CNN1: variants seen among roughly 807,000 people sequenced by gnomAD.
CNN1 encodes the protein calponin-1.
CNN1 carries 21 observed loss-of-function variants against 35.3 expected under a neutral mutation model. That is an observed-to-expected ratio of 0.60 (90% CI 0.42 to 0.86). The LOEUF is 0.86. CNN1 is among the 40% of genes least tolerant of loss of function. The probability of loss-of-function intolerance (pLI) is 0.00; values close to 1 mark genes in which losing one functional copy is unlikely to be tolerated. For missense variants in CNN1, 314 were observed against 400.8 expected, an observed-to-expected ratio of 0.78 and a Z score of 1.85; for synonymous variants, 164 against 161.8, an observed-to-expected ratio of 1.01 and a Z score of -0.10.
chr19:11,540,973 G>C, intron 1 of CNN1, 103 bp from the exon 2 acceptor site: 1 of 1,277,522 alleles, frequency 7.8e-7, no homozygotes, highest in South Asian at 1.6e-5. Context: ...AAGGACGAGG[G>C]AGATCAGGCT....
intron 1 of CNN1, 29 bp from the exon 2 acceptor site, chr19:11,541,047 C>G (rs1318877744): frequency 6.3e-7 from 1 of 1,578,228 alleles, no homozygotes; most frequent in Admixed American, 1.8e-5. Flanking sequence ...ACCCCTTTCT[C>G]TGTGCCCCCT....
intron 2 of CNN1, among the ~76,000 whole-genome samples, chr19:11,544,141 C>T (rs73514622): frequency 0.14 from 20,629 of 151,590 alleles, 3,640 homozygotes; most frequent in African/African-American, 0.41. Flanking sequence ...GATTTGTGGT[C>T]GTAAGTGTCC....
Position 11,550,111 on chromosome 19 carries a change from G to A in CNN1, c.*316G>A, listed in dbSNP as rs72995011. 9.5e-3 allele frequency: 2,618 copies of A among 276,318 alleles called. 16 individuals carry two copies. The highest frequency in any genetic ancestry group is 0.012 in the Middle Eastern group (12 of 972). The allele number at this position is 276,318 out of a possible 1,614,324, so 17.1% of individuals were successfully genotyped here. On this transcript the variant is annotated 3_prime_UTR_variant, in exon 7 of 7. Coordinates refer to ENST00000252456, the MANE Select transcript of CNN1 (RefSeq NM_001299.6). The stretch of plus-strand genomic sequence containing the variant: ...CAAGTGGGTACCCCCAGGACCAGAA[G>A]CTCCCCCAGCAAAGCCCCCAGAGCC...
rs1599613697 is a variant in CNN1, at chr19:11,550,060, A to G, written c.*265A>G. 1 of 397,558 alleles carries G rather than the reference A, an allele frequency of 2.5e-6. No homozygotes were observed. Among genetic ancestry groups the G allele is most frequent in the East Asian group, 4.0e-5 (1 of 24,696 alleles). 24.6% of individuals were successfully genotyped at this position (397,558 alleles called of 1,614,324 possible). Reference sequence around the variant, plus strand: ...CCCAAAGGACGCACTGAGCAACGCTATTCCAGCTGTCCCCCCACTCCCTCA... The same window carrying G: ...CCCAAAGGACGCACTGAGCAACGCTGTTCCAGCTGTCCCCCCACTCCCTCA... On this transcript the variant is annotated 3_prime_UTR_variant, in exon 7 of 7. Transcript: ENST00000252456.
At chr19:11,546,088 G>T (rs1972575146) in intron 2 of CNN1, among the ~76,000 whole-genome samples, 1 of 152,204 alleles carries the variant, frequency 6.6e-6, no homozygotes, top group African/African-American at 2.4e-5. Context: ...AGACACGCCT[G>T]CCAGTGAGGC....
rs542006621 is a variant in CNN1 at position 11,549,967 on chromosome 19, G to A, written c.*172G>A. On this transcript the variant is annotated 3_prime_UTR_variant, in exon 7 of 7. Transcript: ENST00000252456. The surrounding 1 kb of genome is among the most constrained non-coding windows in gnomAD (Gnocchi z 5.2). ...GAGCAGACTGGCGGGGGGCCCATTG[G>A]GGGGAAGGGGACCCTCCGCTCTGTA... 12 of 988,644 alleles carry A rather than the reference G, an allele frequency of 1.2e-5. No individual in the cohort carries two copies. The highest frequency in any genetic ancestry group is 5.9e-5 in the Admixed American group (2 of 33,958). The allele number at this position is 988,644 out of a possible 1,614,324, so 61.2% of individuals were successfully genotyped here.
Position 11,549,334 on chromosome 19 carries a change from CAA to C in CNN1, c.514_515del (p.Lys172ValfsTer111). 4 of 1,614,176 alleles carry C rather than the reference CAA, an allele frequency of 2.5e-6. No individual in the cohort carries two copies. The highest frequency in any genetic ancestry group is 3.4e-6 in the Non-Finnish European group (4 of 1,180,022). On this transcript the variant is annotated frameshift_variant, in exon 6 of 7. Transcript: ENST00000252456. LOFTEE classifies it high-confidence loss of function. This position sits in a 1 kb window ranked among gnomAD's most constrained non-coding sequence, Gnocchi z 5.2. The part of the protein sequence containing the change: ...NIIGLQMGTN[K>X]FASQQGMTAY... ...TTCTGGCTTCCTAGATGGGCACCAA[CAA>C]GTTTGCCAGCCAGCAGGGCATGACG...
At chr19:11,539,590 A>G (rs1972412240) in intron 1 of CNN1, 2 of 889,466 alleles carry the variant, frequency 2.2e-6, no homozygotes, top group Admixed American at 3.0e-5. Flanking sequence ...CGGACCCTGG[A>G]CTCACCCCCC....
chr19:11,547,172 G>T (rs746364585), intron 4 of CNN1, among the ~76,000 whole-genome samples: 1 of 151,980 alleles, frequency 6.6e-6, no homozygotes, highest in East Asian at 1.9e-4. Flanking sequence ...CAAGGTGAGC[G>T]GATTGCTTGA....
chr19:11,543,633 A>G (rs1972514031), intron 2 of CNN1, among the ~76,000 whole-genome samples: 1 of 151,116 alleles, frequency 6.6e-6, no homozygotes, highest in Non-Finnish European at 1.5e-5. Flanking sequence ...AATACAAAAA[A>G]TTAGCCGGGC....
At chr19:11,542,865 C>T (rs1479550275) in intron 2 of CNN1, among the ~76,000 whole-genome samples, 1 of 152,198 alleles carries the variant, frequency 6.6e-6, no homozygotes, top group Non-Finnish European at 1.5e-5. Flanking sequence ...TGAGCCACCG[C>T]GCCCGGCTCC....
chr19:11,545,573 C>G (rs146644311), intron 2 of CNN1, among the ~76,000 whole-genome samples: 1 of 151,652 alleles, frequency 6.6e-6, no homozygotes, highest in East Asian at 1.9e-4. Flanking sequence ...CACCCAGGCA[C>G]CCATGGAGAG....
At chr19:11,547,022 G>A in intron 4 of CNN1, 53 bp downstream of exon 4, 4 of 1,609,896 alleles carry the variant, frequency 2.5e-6, no homozygotes, top group Non-Finnish European at 3.4e-6. Flanking sequence ...GGGCTGGGAT[G>A]CAGGTGTGGC....
chr19:11,547,937 C>A, intron 5 of CNN1, 30 bp downstream of exon 5: 1 of 1,584,660 alleles, frequency 6.3e-7, no homozygotes, highest in South Asian at 1.1e-5. Flanking sequence ...GCGCAGAGGT[C>A]ATAGAGGCCA....
intron 1 of CNN1, chr19:11,539,411 GA>G: frequency 9.3e-7 from 1 of 1,075,364 alleles, no homozygotes; most frequent in Non-Finnish European, 1.1e-6. Flanking sequence ...CCTGAAGACA[GA>G]GGGGGACGGT....
At chr19:11,548,962 G>A (rs924573885) in intron 5 of CNN1, among the ~76,000 whole-genome samples, 1 of 152,070 alleles carries the variant, frequency 6.6e-6, no homozygotes, top group African/African-American at 2.4e-5. Flanking sequence ...TGAGGTGGGT[G>A]GATCACCTGA....
intron 4 of CNN1, 117 bp downstream of exon 4, chr19:11,547,086 G>A: frequency 1.4e-6 from 2 of 1,476,906 alleles, no homozygotes; most frequent in African/African-American, 2.8e-5. Flanking sequence ...AGGGATCGGG[G>A]AGCAGGTGCT....
intron 2 of CNN1, among the ~76,000 whole-genome samples, chr19:11,545,452 G>A (rs1030677557): frequency 6.8e-6 from 1 of 146,534 alleles, no homozygotes; most frequent in African/African-American, 2.5e-5. Flanking sequence ...AAGGGCTCTG[G>A]CTGAGCACCT....
Position 11,547,809 on chromosome 19 carries a change from G to A in CNN1, c.403G>A (p.Gly135Arg), listed in dbSNP as rs1361744211. The A allele has an allele frequency of 6.2e-7, 1 of 1,613,720 alleles. No individual in the cohort carries two copies. ...LALASMAKTKGNKVNVGVKYA... is the reference protein window; with the variant it reads ...LALASMAKTKRNKVNVGVKYA... ...CTGCCCCACCTAGGCGAAGACGAAA[G>A]GAAACAAGGTGAACGTGGGAGTGAA... The change falls in exon 5 of 7, where the codon GGA becomes AGA. Residue 135 changes from glycine to arginine, a missense_variant. Coordinates refer to ENST00000252456, the MANE Select transcript of CNN1 (RefSeq NM_001299.6).
Sources: allele counts gnomAD v4.1 joint callset (sites outside exome capture counted in the v4.1 genomes callset), GRCh38; gene constraint gnomAD v4.1.1; non-coding constraint Gnocchi (gnomAD v3.1); transcripts MANE v1.5; gene names NCBI Gene and HGNC (gene_info 2026-07-23, HGNC 2026-07-21).